Variants in FOXN3 observed in about 807,000 individuals in gnomAD.
The protein encoded by FOXN3 is forkhead box protein N3.
A neutral mutation model predicts 38.4 loss-of-function variants in FOXN3; 7 were observed. The observed-to-expected ratio is 0.18, with a 90% CI of 0.10 to 0.34. The LOEUF (loss-of-function observed/expected upper bound fraction) is 0.34. Among genes scored for constraint, FOXN3 ranks in the 10% least tolerant of loss-of-function variants. The probability of loss-of-function intolerance (pLI) is 1.00; values close to 1 mark genes in which losing one functional copy is unlikely to be tolerated. For missense variants in FOXN3, 456 were observed against 613.4 expected (o/e 0.74, Z 2.71); for synonymous variants, 230 against 242.2 (o/e 0.95, Z 0.47).
At chr14:89,378,481 T>C (rs1566972393) in intron 2 of FOXN3, among the ~76,000 whole-genome samples, 1 of 152,190 alleles carries the variant, frequency 6.6e-6, no homozygotes, top group East Asian at 1.9e-4. Flanking sequence ...TGATCTGACA[T>C]TGGATTTTTC....
chr14:89,506,178 G>C (rs1893926508), intron 1 of FOXN3, among the ~76,000 whole-genome samples: 1 of 81,780 alleles, frequency 1.2e-5, no homozygotes, highest in African/African-American at 3.4e-5. Context: ...CCGGCCAGCT[G>C]CCCCGTCCGG....
At chr14:89,517,644 C>T (rs956471088) in intron 1 of FOXN3, among the ~76,000 whole-genome samples, 6 of 152,242 alleles carry the variant, frequency 3.9e-5, no homozygotes, top group Non-Finnish European at 8.8e-5. Flanking sequence ...CCACCACCAA[C>T]ACTGGGGATT....
intron 4 of FOXN3, among the ~76,000 whole-genome samples, chr14:89,223,838 A>C (rs1205994616): frequency 1.3e-5 from 2 of 152,014 alleles, no homozygotes; most frequent in African/African-American, 4.8e-5. Context: ...AAGCAGAGAA[A>C]TGCTTAAGGA....
At chr14:89,324,262 A>T (rs2139976388) in intron 3 of FOXN3, among the ~76,000 whole-genome samples, 1 of 152,322 alleles carries the variant, frequency 6.6e-6, no homozygotes, top group South Asian at 2.1e-4. Flanking sequence ...TGATGGGTTA[A>T]ATTAGCACCA....
chr14:89,482,455 T>C (rs755040379), intron 1 of FOXN3, among the ~76,000 whole-genome samples: 1 of 152,030 alleles, frequency 6.6e-6, no homozygotes, highest in African/African-American at 2.4e-5. Flanking sequence ...ACCCTGACTC[T>C]ACATAAAATT....
chr14:89,279,825 G>A (rs1166079860), intron 4 of FOXN3, among the ~76,000 whole-genome samples: 1 of 152,170 alleles, frequency 6.6e-6, no homozygotes, highest in Non-Finnish European at 1.5e-5. Context: ...GTATGCAATT[G>A]CGTGGCCTAT....
At chr14:89,517,352 C>CT (rs1321919779) in intron 1 of FOXN3, among the ~76,000 whole-genome samples, 1 of 57,798 alleles carries the variant, frequency 1.7e-5, no homozygotes, top group Non-Finnish European at 3.4e-5. Flanking sequence ...GAGACCCTGT[C>CT]TTAAAAAAAA....
intron 4 of FOXN3, among the ~76,000 whole-genome samples, chr14:89,227,764 C>T (rs1388347984): frequency 6.6e-6 from 1 of 152,220 alleles, no homozygotes; most frequent in Non-Finnish European, 1.5e-5. Flanking sequence ...AAGAGAGTCT[C>T]CTATGGCCTT....
chr14:89,595,930 A>G (rs1896048240), intron 1 of FOXN3, among the ~76,000 whole-genome samples: 1 of 152,182 alleles, frequency 6.6e-6, no homozygotes, highest in Non-Finnish European at 1.5e-5. Flanking sequence ...TAATTACATC[A>G]CATATATTTT....
intron 4 of FOXN3, among the ~76,000 whole-genome samples, chr14:89,225,843 G>A (rs1884619907): frequency 6.6e-6 from 1 of 152,038 alleles, no homozygotes; most frequent in African/African-American, 2.4e-5. Context: ...AGGCCCATCA[G>A]GCTCTCTGAA....
intron 4 of FOXN3, among the ~76,000 whole-genome samples, chr14:89,187,012 T>G (rs927760344): frequency 6.6e-6 from 1 of 152,210 alleles, no homozygotes; most frequent in Non-Finnish European, 1.5e-5. Flanking sequence ...GTGGCCAGTC[T>G]GCCGGCCTTG....
At position 89,180,711 on chromosome 14, in the gene FOXN3, C is replaced by T. The variant is rs767629970; in HGVS notation, c.841G>A (p.Ala281Thr). 56 of 1,608,490 alleles carry T rather than the reference C, an allele frequency of 3.5e-5. No individual in the cohort carries two copies. Among genetic ancestry groups the T allele is most frequent in the Non-Finnish European group, 4.4e-5 (52 of 1,177,306 alleles). The change falls in exon 5 of 6, where the codon GCG becomes ACG. Residue 281 changes from alanine (A) to threonine (T), a missense_variant. This residue lies in a region of FOXN3 where 386 missense variants were observed against 505.2 expected (regional missense o/e 0.76). Transcript: ENST00000557258. Reference protein sequence around the residue: ...PLPITPIGVTAAMRNGITSCR... With the variant: ...PLPITPIGVTTAMRNGITSCR... Reference sequence around the variant, plus strand: ...GCACTCCCCACTTACCTCATGGCCGCTGTCACCCCAATGGGAGTGATTGGC... The same window carrying T: ...GCACTCCCCACTTACCTCATGGCCGTTGTCACCCCAATGGGAGTGATTGGC...
chr14:89,522,576 T>A (rs529191749), intron 1 of FOXN3, among the ~76,000 whole-genome samples: 8 of 152,226 alleles, frequency 5.3e-5, no homozygotes, highest in African/African-American at 1.9e-4. Context: ...GTAAAACATA[T>A]GTCAACAACA....
At chr14:89,210,791 G>T (rs1255820617) in intron 4 of FOXN3, among the ~76,000 whole-genome samples, 1 of 152,136 alleles carries the variant, frequency 6.6e-6, no homozygotes, top group East Asian at 1.9e-4. Flanking sequence ...CCCTTCCTTG[G>T]GTGGTTCATC....
intron 3 of FOXN3, among the ~76,000 whole-genome samples, chr14:89,320,159 C>T (rs541062175): frequency 2.0e-5 from 3 of 152,280 alleles, no homozygotes; most frequent in Non-Finnish European, 4.4e-5. Flanking sequence ...GTCAGAGGCT[C>T]ATATATGGAA....
At chr14:89,234,890 A>G (rs945704616) in intron 4 of FOXN3, among the ~76,000 whole-genome samples, 1 of 151,978 alleles carries the variant, frequency 6.6e-6, no homozygotes, top group African/African-American at 2.4e-5. Flanking sequence ...CCCCATCCCC[A>G]GCTGTTGAAG....
chr14:89,444,451 C>A (rs1892453647), intron 1 of FOXN3, among the ~76,000 whole-genome samples: 1 of 148,418 alleles, frequency 6.7e-6, no homozygotes, highest in African/African-American at 2.5e-5. Context: ...ATAGGTCAGG[C>A]CTTAGTGTAA....
In FOXN3 at chr14:89,193,257, C is replaced by A. The variant is rs561903096; in HGVS notation, c.746-12451G>T. 8.2e-5 allele frequency among the ~76,000 whole-genome samples: 12 copies of A among 147,188 alleles called. No homozygotes were observed. In the East Asian group the frequency reaches 9.8e-4, roughly 12 times the overall value. ...GCTGGGCCCAGAACAAGAAGAAACACAGGGAGGAAGTCTGGAGTCTTTTCC... is the reference window on the plus strand; with the variant it reads ...GCTGGGCCCAGAACAAGAAGAAACAAAGGGAGGAAGTCTGGAGTCTTTTCC... On this transcript the variant is annotated intron_variant, in intron 4 of 5. Coordinates refer to ENST00000557258, the MANE Select transcript of FOXN3 (RefSeq NM_005197.4).
intron 4 of FOXN3, among the ~76,000 whole-genome samples, chr14:89,250,671 A>G (rs1394665272): frequency 6.6e-6 from 1 of 152,164 alleles, no homozygotes; most frequent in African/African-American, 2.4e-5. Context: ...AAACTCATAT[A>G]TGTTCCCGAT....
Sources: allele counts gnomAD v4.1 joint callset (sites outside exome capture counted in the v4.1 genomes callset), GRCh38; gene constraint gnomAD v4.1.1; regional missense constraint gnomAD v4.1.1; transcripts MANE v1.5; gene names NCBI Gene and HGNC (gene_info 2026-07-23, HGNC 2026-07-21).